Variants in FAM151B observed in about 807,000 individuals in gnomAD.
The protein encoded by FAM151B is protein FAM151B.
A neutral mutation model predicts 31.2 loss-of-function variants in FAM151B; 24 were observed. The ratio of observed to expected loss-of-function variants is 0.77; its 90% CI spans 0.56 to 1.08. The LOEUF is 1.08. FAM151B is among the 50% of genes least tolerant of loss of function. The pLI, the probability that FAM151B is intolerant of heterozygous loss-of-function variation, is 0.00. For synonymous variants in FAM151B, 105 were observed against 111.4 expected (o/e 0.94, Z 0.36); for missense variants, 293 against 328.6 (o/e 0.89, Z 0.84).
chr5:80,527,360 T>G (rs1390353411), intron 5 of FAM151B, among the ~76,000 whole-genome samples: 1 of 151,844 alleles, frequency 6.6e-6, no homozygotes, highest in Non-Finnish European at 1.5e-5. Context: ...AAGGCAGAAG[T>G]TGTAGTGAGC....
intron 1 of FAM151B, among the ~76,000 whole-genome samples, chr5:80,496,799 ATTTTTTT>A (rs367658683): frequency 6.9e-5 from 4 of 57,762 alleles, no homozygotes; most frequent in Middle Eastern, 0.013. Flanking sequence ...TTTTTGCTTA[ATTTTTTT>A]TTTTTTTTTT....
intron 1 of FAM151B, chr5:80,500,209 CA>C (rs1299301753): frequency 2.0e-6 from 1 of 508,466 alleles, no homozygotes; most frequent in Non-Finnish European, 3.5e-6. Flanking sequence ...TCAAATATAA[CA>C]GAAATAGATG....
rs1744293454 is a variant in FAM151B, at chr5:80,513,767, A to T, written c.315A>T (p.Lys105Asn). ...ATAAAGGCATCAAGCTGGATTTCAA[A>T]AGGTATTTGTATAAACACGTTCAAT... The part of the protein sequence containing the change: ...KSNKGIKLDF[K>N]SLAVVEPSMM... Residue 105 changes from lysine to asparagine, a missense_variant and splice_region_variant, in exon 3 of 6, where the codon AAA (lysine) becomes AAT (asparagine). Transcript: ENST00000282226. 1 of 1,609,552 alleles carries T rather than the reference A, an allele frequency of 6.2e-7. No homozygotes were observed. The highest frequency in any genetic ancestry group is 1.3e-5 in the African/African-American group (1 of 74,744).
At chr5:80,515,500 A>AC (rs895862778) in intron 3 of FAM151B, among the ~76,000 whole-genome samples, 26 of 152,222 alleles carry the variant, frequency 1.7e-4, no homozygotes, top group African/African-American at 5.8e-4. Context: ...CCTTGATGTC[A>AC]CGTGCTCAGT....
chr5:80,538,451 T>TC (rs1491349911), intron 5 of FAM151B, among the ~76,000 whole-genome samples: 8 of 49,326 alleles, frequency 1.6e-4, no homozygotes, highest in East Asian at 6.2e-4. Flanking sequence ...TTTCTTTCTC[T>TC]TTCTTTCTTT....
intron 5 of FAM151B, among the ~76,000 whole-genome samples, chr5:80,536,418 T>C (rs2443550): frequency 0.11 from 16,512 of 152,000 alleles, 1,341 homozygotes; most frequent in African/African-American, 0.23. Context: ...TCAGGCTGTC[T>C]GCCCACCTTG....
At chr5:80,510,557 A>G (rs1744142525) in intron 2 of FAM151B, among the ~76,000 whole-genome samples, 1 of 152,212 alleles carries the variant, frequency 6.6e-6, no homozygotes, top group South Asian at 2.1e-4. Context: ...CCATATCCCA[A>G]GTGTTGAAAT....
chr5:80,533,019 T>C (rs1745320429), intron 5 of FAM151B, among the ~76,000 whole-genome samples: 1 of 152,212 alleles, frequency 6.6e-6, no homozygotes, highest in African/African-American at 2.4e-5. Context: ...TGGAAGCTTA[T>C]AGCTATAAGT....
At chr5:80,538,442 T>TTC (rs1429657960) in intron 5 of FAM151B, among the ~76,000 whole-genome samples, 431 of 56,260 alleles carry the variant, frequency 7.7e-3, no homozygotes, top group East Asian at 0.011. Context: ...CTTTCTTTCT[T>TTC]TCTTTCTCTT....
intron 2 of FAM151B, among the ~76,000 whole-genome samples, chr5:80,503,365 T>A (rs943367217): frequency 6.6e-6 from 1 of 152,054 alleles, no homozygotes; most frequent in African/African-American, 2.4e-5. Context: ...CCCCAGGAGT[T>A]GAAGATCAGC....
intron 3 of FAM151B, among the ~76,000 whole-genome samples, chr5:80,514,362 C>T (rs1388203510): frequency 1.3e-5 from 2 of 151,784 alleles, no homozygotes; most frequent in South Asian, 2.1e-4. Context: ...GTAATCACAG[C>T]TACTGGGGAG....
intron 5 of FAM151B, among the ~76,000 whole-genome samples, chr5:80,537,888 CA>C (rs1181795613): frequency 2.7e-5 from 4 of 148,678 alleles, no homozygotes; most frequent in Admixed American, 2.7e-4. Flanking sequence ...ATTTTTCAAA[CA>C]AAAAAATTAA....
At chr5:80,530,952 AAGCTGG>A (rs1291417566) in intron 5 of FAM151B, among the ~76,000 whole-genome samples, 1 of 152,206 alleles carries the variant, frequency 6.6e-6, no homozygotes, top group Non-Finnish European at 1.5e-5. Context: ...CAAAAGAGCA[AAGCTGG>A]AGGCATCATG....
intron 2 of FAM151B, among the ~76,000 whole-genome samples, chr5:80,509,673 G>T (rs1744109983): frequency 6.6e-6 from 1 of 152,180 alleles, no homozygotes. Flanking sequence ...TTCAAATTCA[G>T]AAAGTCCTGA....
At chr5:80,505,526 C>G (rs1045267457) in intron 2 of FAM151B, among the ~76,000 whole-genome samples, 2 of 151,824 alleles carry the variant, frequency 1.3e-5, no homozygotes, top group Non-Finnish European at 2.9e-5. Context: ...TCCCAAGTAG[C>G]TGGGACTGCA....
At chr5:80,519,575 C>G in intron 3 of FAM151B, 118 bp from the exon 4 acceptor site, 2 of 818,718 alleles carry the variant, frequency 2.4e-6, no homozygotes, top group Non-Finnish European at 3.8e-6. Flanking sequence ...TTTTATTTAA[C>G]CCAGACATTA....
chr5:80,534,591 A>G (rs1381852809), intron 5 of FAM151B, among the ~76,000 whole-genome samples: 1 of 152,238 alleles, frequency 6.6e-6, no homozygotes, highest in Non-Finnish European at 1.5e-5. Context: ...AAAACTGGGT[A>G]TGGAAGGAGC....
chr5:80,513,250 A>G (rs1744263538), intron 2 of FAM151B, among the ~76,000 whole-genome samples: 1 of 152,240 alleles, frequency 6.6e-6, no homozygotes, highest in Admixed American at 6.5e-5. Context: ...GAGGAGTGAG[A>G]AGATAAAAGT....
At chr5:80,528,018 T>C (rs1034006038) in intron 5 of FAM151B, among the ~76,000 whole-genome samples, 3 of 152,184 alleles carry the variant, frequency 2.0e-5, no homozygotes, top group Non-Finnish European at 2.9e-5. Flanking sequence ...TTTTTCAATT[T>C]TTTAACTTTT....
Sources: allele counts gnomAD v4.1 joint callset (sites outside exome capture counted in the v4.1 genomes callset), GRCh38; gene constraint gnomAD v4.1.1; transcripts MANE v1.5; gene names NCBI Gene and HGNC (gene_info 2026-07-23, HGNC 2026-07-21).